The following IFRD2 variants were observed in gnomAD, a reference collection of about 807,000 sequenced individuals.
The protein encoded by IFRD2 is interferon-related developmental regulator 2.
IFRD2 carries 35 observed loss-of-function variants against 49.2 expected under a neutral mutation model. The ratio of observed to expected loss-of-function variants is 0.71; its 90% CI spans 0.54 to 0.94. IFRD2 has a LOEUF of 0.94. Among genes scored for constraint, IFRD2 ranks in the 40% least tolerant of loss-of-function variants. The probability of loss-of-function intolerance (pLI) is 0.00; values close to 1 mark genes in which losing one functional copy is unlikely to be tolerated. For synonymous variants in IFRD2, 275 were observed against 239.7 expected, an observed-to-expected ratio of 1.15 and a Z score of -1.36; for missense variants, 561 against 591.6, an observed-to-expected ratio of 0.95 and a Z score of 0.54.
chr3:50,290,753 C>T, intron 1 of IFRD2, 74 bp from the exon 2 acceptor site: 7 of 1,552,118 alleles, frequency 4.5e-6, no homozygotes, highest in Non-Finnish European at 6.1e-6. Flanking sequence ...CACTCGACCT[C>T]ATAATCCCAA....
chr3:50,292,303 G>A lies in IFRD2; in HGVS notation c.-29C>T. Reference sequence around the variant, plus strand: ...GGGAACCGGGCGCGGGGGGCGCGGGGTCAGGGACCCGGTGGGTGTGGGCTC... The same window carrying A: ...GGGAACCGGGCGCGGGGGGCGCGGGATCAGGGACCCGGTGGGTGTGGGCTC... On this transcript the variant is annotated 5_prime_UTR_variant, in exon 1 of 12. Coordinates refer to ENST00000417626, the MANE Select transcript of IFRD2 (RefSeq NM_006764.5). 2 of 1,564,470 alleles carry A rather than the reference G, an allele frequency of 1.3e-6. No homozygotes were observed. Among genetic ancestry groups the A allele is most frequent in the Non-Finnish European group, 8.6e-7 (1 of 1,157,244 alleles).
At chr3:50,289,144 C>G in intron 8 of IFRD2, 111 bp downstream of exon 8, 2 of 1,179,836 alleles carry the variant, frequency 1.7e-6, no homozygotes, top group Non-Finnish European at 2.4e-6. Context: ...TTTGGGGCCA[C>G]CTCCTCTGCA....
Position 50,290,256 on chromosome 3 carries a change from A to G in IFRD2, c.302T>C (p.Leu101Pro), listed in dbSNP as rs374859692. ...GGGGAGTAGGCGGGACGCTAGGGCC[A>G]GGCGCAGGCTCTCAAGAGCACCCTG... ...TRQGALESLR[L>P]ALASRLLPDF... The change falls in exon 4 of 12, where the codon CTG (leucine) becomes CCG (proline). Residue 101 changes from leucine (L) to proline (P), a missense_variant. Physicochemically the swap from Leu to Pro is moderately conservative, Grantham distance 98 (BLOSUM62 -3). Coordinates refer to ENST00000417626, the MANE Select transcript of IFRD2 (RefSeq NM_006764.5). 2 of 1,612,814 alleles carry G rather than the reference A, an allele frequency of 1.2e-6. No homozygotes were observed. The highest frequency in any genetic ancestry group is 1.7e-6 in the Non-Finnish European group (2 of 1,179,444).
intron 8 of IFRD2, 156 bp from the exon 9 acceptor site, chr3:50,289,093 T>G: frequency 3.4e-6 from 4 of 1,189,236 alleles, no homozygotes; most frequent in Non-Finnish European, 4.8e-6. Flanking sequence ...AGGACACCAC[T>G]GCTGAGGGCA....
rs1701695674 is a variant in IFRD2 at position 50,292,333 on chromosome 3, CCAA to C, written c.-62_-60del. On this transcript the variant is annotated 5_prime_UTR_variant, in exon 1 of 12. Transcript: ENST00000417626. ...GGACCCGGTGGGTGTGGGCTCCAGGCCAACGAGACGCCGGCCGGTGCGCTGCGC... is the reference window on the plus strand; with the variant it reads ...GGACCCGGTGGGTGTGGGCTCCAGGCCGAGACGCCGGCCGGTGCGCTGCGC... 2.6e-6 allele frequency: 4 copies of C among 1,565,964 alleles called. No individual in the cohort carries two copies. The highest frequency in any genetic ancestry group is 3.5e-6 in the Non-Finnish European group (4 of 1,158,608).
In IFRD2 at chr3:50,289,626, G is replaced by A. The variant is rs1553709378; in HGVS notation, c.600C>T (p.Asp200=). 2 of 1,598,852 alleles carry A rather than the reference G, an allele frequency of 1.3e-6. No individual in the cohort carries two copies. Among genetic ancestry groups the A allele is most frequent in the Non-Finnish European group, 1.7e-6 (2 of 1,172,900 alleles). The part of the protein sequence containing the change: ...GCYVAAADIQ[D]LVSCLACLES... ...CTAAGCAGGCAAGGCAAGAGACCAG[G>A]TCCTAGGAGCACAGAGAGGCAGGGG... The change falls in exon 7 of 12, where the codon GAC becomes GAT. Residue 200 remains aspartate, a splice_region_variant and synonymous_variant. Transcript: ENST00000417626.
In IFRD2 at chr3:50,288,584, T is replaced by C. The variant is rs1553708998; in HGVS notation, c.1151A>G (p.Gln384Arg). ...VLGSGMHHHL[Q>R]NNELLRDIFG... ...TCCCCTCCCTGTCCGTCCCCGCACC[T>C]GGAGGTGGTGGTGCATGCCCGAACC... The change falls in exon 10 of 12, where the codon CAG becomes CGG. Residue 384 changes from glutamine (Q) to arginine (R), a missense_variant and splice_region_variant. Transcript: ENST00000417626. 1 of 1,613,806 alleles carries C rather than the reference T, an allele frequency of 6.2e-7. No homozygotes were observed. Among genetic ancestry groups the C allele is most frequent in the East Asian group, 2.2e-5 (1 of 44,892 alleles).
rs782533915 is a variant in IFRD2 at position 50,288,846 on chromosome 3, C to T, written c.977G>A (p.Arg326His). 26 of 1,613,414 alleles carry T rather than the reference C, an allele frequency of 1.6e-5. No homozygotes were observed. In the South Asian group the frequency reaches 1.8e-4, roughly 11 times the overall value. ...GCGGAAAGTAGAGCGCTGGCGCCGA[C>T]GATCAGCCTTGGCACGGTACTTGTT... ...DSNKYRAKAD[R>H]RRQRSTFRAV... The change falls in exon 9 of 12, where the codon CGT becomes CAT. Residue 326 changes from arginine to histidine, a missense_variant. Arg to His is a conservative substitution (Grantham distance 29). Transcript: ENST00000417626.
rs918094156 is a variant in IFRD2 at position 50,287,753 on chromosome 3, C to T, written c.*438G>A. On this transcript the variant is annotated 3_prime_UTR_variant, in exon 12 of 12. Coordinates refer to ENST00000417626, the MANE Select transcript of IFRD2 (RefSeq NM_006764.5). ...GGGGTTAAGACCACAGAAGGCTGACCGTTCTGTTTAATTATCTGTAATAAT... is the reference window on the plus strand; with the variant it reads ...GGGGTTAAGACCACAGAAGGCTGACTGTTCTGTTTAATTATCTGTAATAAT... The T allele has an allele frequency of 8.0e-5, 17 of 212,484 alleles. No homozygotes were observed. Among genetic ancestry groups the T allele is most frequent in the Non-Finnish European group, 1.3e-4 (14 of 104,740 alleles). 13.2% of individuals were successfully genotyped at this position (212,484 alleles called of 1,614,324 possible).
Position 50,290,610 on chromosome 3 carries a change from G to A in IFRD2, c.128C>T (p.Thr43Ile). 6.2e-7 allele frequency: 1 copy of A among 1,614,002 alleles called. No individual in the cohort carries two copies. Among genetic ancestry groups the A allele is most frequent in the Non-Finnish European group, 8.5e-7 (1 of 1,179,894 alleles). Reference sequence around the variant, plus strand: ...GAGAAGGCTGGGGCATTCACTGGCGGTGCTGCGGGCCTCACTGGCTGCCTC... The same window carrying A: ...GAGAAGGCTGGGGCATTCACTGGCGATGCTGCGGGCCTCACTGGCTGCCTC... ...DDEAASEARSTASECPSLLST... is the reference protein window; with the variant it reads ...DDEAASEARSIASECPSLLST... Residue 43 changes from threonine to isoleucine, a missense_variant, in exon 2 of 12, where the codon ACC becomes ATC. By Grantham distance (89) the Thr-to-Ile change is moderately conservative (BLOSUM62 -1). Transcript: ENST00000417626.
At chr3:50,289,381 G>C in intron 7 of IFRD2, 21 bp from the exon 8 acceptor site, 3 of 1,582,274 alleles carry the variant, frequency 1.9e-6, no homozygotes, top group South Asian at 1.2e-5. Context: ...GGCAGGCTGA[G>C]CTATATGTGT....
chr3:50,287,933 T>C lies in IFRD2; in HGVS notation c.*258A>G. ...AGGAAGGGAAAGGCCCCCTAGTGCC[T>C]GCCCCACAGCCCTGAGGAAGGCACA... On this transcript the variant is annotated 3_prime_UTR_variant, in exon 12 of 12. Transcript: ENST00000417626. 2.1e-6 allele frequency: 1 copy of C among 477,072 alleles called. No homozygotes were observed. Among genetic ancestry groups the C allele is most frequent in the Non-Finnish European group, 3.8e-6 (1 of 263,324 alleles). The allele number at this position is 477,072 out of a possible 1,614,324, so 29.6% of individuals were successfully genotyped here. A position where few individuals can be genotyped will look rare whatever the true frequency, so the allele number is the denominator to read the frequency against.
chr3:50,291,013 T>A (rs931049706), intron 1 of IFRD2, among the ~76,000 whole-genome samples: 1 of 148,932 alleles, frequency 6.7e-6, no homozygotes, highest in African/African-American at 2.5e-5. Flanking sequence ...CCACCTTTTT[T>A]TTTTTTTTTT....
rs782112713 is a variant in IFRD2, at chr3:50,292,384, A to T, written c.-110T>A. 4 of 1,584,060 alleles carry T rather than the reference A, an allele frequency of 2.5e-6. No homozygotes were observed. The highest frequency in any genetic ancestry group is 8.5e-7 in the Non-Finnish European group (1 of 1,170,758). On this transcript the variant is annotated 5_prime_UTR_variant, in exon 1 of 12. Coordinates refer to ENST00000417626, the MANE Select transcript of IFRD2 (RefSeq NM_006764.5). Reference sequence around the variant, plus strand: ...CGCTGAGACTTGGCCAGACGACGGGAGCCACACGCCACGCGCGCCACCATC... The same window carrying T: ...CGCTGAGACTTGGCCAGACGACGGGTGCCACACGCCACGCGCGCCACCATC...
intron 8 of IFRD2, 150 bp downstream of exon 8, chr3:50,289,105 C>T: frequency 8.7e-7 from 1 of 1,146,816 alleles, no homozygotes; most frequent in South Asian, 1.5e-5. Context: ...CTGAGGGCAC[C>T]CATCATGACA....
At chr3:50,291,753 C>T (rs1701677943) in intron 1 of IFRD2, 1 of 166,088 alleles carries the variant, frequency 6.0e-6, no homozygotes, top group African/African-American at 2.4e-5. Flanking sequence ...GCCTCAGGCT[C>T]CAGGATACTC....
chr3:50,289,007 C>G, intron 8 of IFRD2, 70 bp from the exon 9 acceptor site: 1 of 1,561,394 alleles, frequency 6.4e-7, no homozygotes, highest in Admixed American at 1.8e-5. Flanking sequence ...GGGCACTGCC[C>G]AAACCCCTCC....
At position 50,292,296 on chromosome 3, in the gene IFRD2, G is replaced by A. The variant is rs587718655; in HGVS notation, c.-22C>T. On this transcript the variant is annotated 5_prime_UTR_variant, in exon 1 of 12. Transcript: ENST00000417626. ...GCATGCCGGGAACCGGGCGCGGGGG[G>A]CGCGGGGTCAGGGACCCGGTGGGTG... 2.4e-5 allele frequency: 38 copies of A among 1,555,844 alleles called. No homozygotes were observed. Among genetic ancestry groups the A allele is most frequent in the South Asian group, 1.1e-4 (9 of 84,566 alleles).
Position 50,287,844 on chromosome 3 carries a change from T to G in IFRD2, c.*347A>C. ...CCACCCCACCTGCTGTGGTGGCATTTGTCCAGATGCCACCACCCCCCTAAG... is the reference window on the plus strand; with the variant it reads ...CCACCCCACCTGCTGTGGTGGCATTGGTCCAGATGCCACCACCCCCCTAAG... On this transcript the variant is annotated 3_prime_UTR_variant, in exon 12 of 12. Coordinates refer to ENST00000417626, the MANE Select transcript of IFRD2 (RefSeq NM_006764.5). The G allele has an allele frequency of 6.9e-6, 2 of 291,142 alleles. No homozygotes were observed. The highest frequency in any genetic ancestry group is 1.3e-5 in the Non-Finnish European group (2 of 152,798). The allele number at this position is 291,142 out of a possible 1,614,324, so 18.0% of individuals were successfully genotyped here. A position where few individuals can be genotyped will look rare whatever the true frequency, so the allele number is the denominator to read the frequency against.
Sources: gnomAD v4.1 joint callset for allele counts (sites outside exome capture counted in the v4.1 genomes callset) on GRCh38, gnomAD v4.1.1 for gene constraint, MANE v1.5 for transcripts, NCBI Gene and HGNC (gene_info 2026-07-23, HGNC 2026-07-21) for gene names.